TNS3: variants seen among roughly 807,000 people sequenced by gnomAD.
TNS3 encodes the protein tensin 3.
In TNS3, 45 loss-of-function variants were observed where a neutral mutation model predicts 140.9. The observed-to-expected ratio is 0.32, with a 90% CI of 0.25 to 0.41. The LOEUF is 0.41. Ranked by LOEUF, TNS3 falls within the 10% of genes least tolerant of loss-of-function variation. TNS3 has a pLI of 1.00. For missense variants in TNS3, 1,716 were observed against 1,906.7 expected, an observed-to-expected ratio of 0.90 and a Z score of 1.86; for synonymous variants, 815 against 788.4, an observed-to-expected ratio of 1.03 and a Z score of -0.56.
chr7:47,403,036 T>C (rs7776701), intron 13 of TNS3, among the ~76,000 whole-genome samples: 61,074 of 152,012 alleles, frequency 0.4, 14,602 homozygotes, highest in Admixed American at 0.53. Context: ...GAGGGAGCTG[T>C]GGGCTCCAGT....
chr7:47,328,995 C>T (rs1435831161), intron 20 of TNS3, among the ~76,000 whole-genome samples: 1 of 152,214 alleles, frequency 6.6e-6, no homozygotes, highest in Non-Finnish European at 1.5e-5. Context: ...AAGCCAACTG[C>T]TGAAAAACTC....
chr7:47,428,338 G>A lies in TNS3; in HGVS notation c.363C>T (p.Tyr121=), dbSNP rs1169232718. The change falls in exon 9 of 31, where the codon TAC becomes TAT. Residue 121 remains tyrosine (Y), a synonymous_variant. Transcript: ENST00000311160. ...KGRIGVVISS[Y]MHFTNVSASA... ...TGGCTGAGACGTTGGTGAAATGCAT[G>A]TAGGATGATATGACCACTCCTATGC... is the stretch of plus-strand genomic sequence containing the variant. 6.9e-7 allele frequency: 1 copy of A among 1,453,650 alleles called. No individual in the cohort carries two copies. The highest frequency in any genetic ancestry group is 9.1e-7 in the Non-Finnish European group (1 of 1,098,368). The allele number at this position is 1,453,650 out of a possible 1,614,324, so 90.0% of individuals were successfully genotyped here. A position where few individuals can be genotyped will look rare whatever the true frequency, so the allele number is the denominator to read the frequency against.
rs1785262687 is a variant in TNS3, at chr7:47,283,677, G to A, written c.4097+20C>T. The A allele has an allele frequency of 6.6e-7, 1 of 1,525,230 alleles. No homozygotes were observed. The highest frequency in any genetic ancestry group is 1.3e-5 in the South Asian group (1 of 76,582). The allele number at this position is 1,525,230 out of a possible 1,614,324, so 94.5% of individuals were successfully genotyped here. A position where few individuals can be genotyped will look rare whatever the true frequency, so the allele number is the denominator to read the frequency against. ...GCCCCGCCCCTGCTGGACGGCTCCT[G>A]CCTCCCTCTAGGCACTCACTTCCTC... On this transcript the variant is annotated intron_variant, in intron 28 of 30. Coordinates refer to ENST00000311160, the MANE Select transcript of TNS3 (RefSeq NM_022748.12).
chr7:47,354,034 A>C (rs995509956), intron 17 of TNS3, among the ~76,000 whole-genome samples: 64 of 126,728 alleles, frequency 5.1e-4, no homozygotes, highest in African/African-American at 1.6e-3. Flanking sequence ...CACACACACA[A>C]ATTCCAAGGT....
At chr7:47,293,698 T>A in intron 25 of TNS3, 35 bp downstream of exon 25, 1 of 1,596,012 alleles carries the variant, frequency 6.3e-7, no homozygotes, top group Non-Finnish European at 8.6e-7. Context: ...CCTCATGAGT[T>A]CAGAACATTG....
In TNS3 at chr7:47,369,522, G is replaced by A. The variant is rs200723518; in HGVS notation, c.1124C>T (p.Pro375Leu). The A allele has an allele frequency of 2.8e-5, 45 of 1,613,818 alleles. No individual in the cohort carries two copies. Among genetic ancestry groups the A allele is most frequent in the African/African-American group, 2.5e-4 (19 of 74,922 alleles). The change falls in exon 17 of 31, where the codon CCG becomes CTG. Residue 375 changes from proline to leucine, a missense_variant. By Grantham distance (98) the Pro-to-Leu change is moderately conservative (BLOSUM62 -3). Transcript: ENST00000311160. ...PGIPGGPQAI[P>L]ATNSPDHSDH... ...ACTGTGGTCTGGGCTGTTGGTGGCC[G>A]GGATTGCCTGGGGGCCACCTGGGAT...
intron 17 of TNS3, among the ~76,000 whole-genome samples, chr7:47,348,248 G>A (rs1789463291): frequency 6.6e-6 from 1 of 152,248 alleles, no homozygotes; most frequent in African/African-American, 2.4e-5. Flanking sequence ...GTTAGTGACG[G>A]AAAGGAAGTG....
At chr7:47,329,773 G>A (rs1459822887) in intron 20 of TNS3, among the ~76,000 whole-genome samples, 1 of 152,146 alleles carries the variant, frequency 6.6e-6, no homozygotes, top group Non-Finnish European at 1.5e-5. Context: ...GGGGCAGCCA[G>A]GCCCAGGAAG....
intron 23 of TNS3, among the ~76,000 whole-genome samples, chr7:47,297,672 G>C (rs545671704): frequency 6.6e-6 from 1 of 152,158 alleles, no homozygotes; most frequent in Non-Finnish European, 1.5e-5. Flanking sequence ...CAGTGGGAGG[G>C]AGGCTGTCGC....
At position 47,396,903 on chromosome 7, in the gene TNS3, C is replaced by A. The variant is rs372376756; in HGVS notation, c.921G>T (p.Gly307=). The A allele has an allele frequency of 6.2e-7, 1 of 1,612,352 alleles. No individual in the cohort carries two copies. ...CGTGGTCGTTGTACAAGTGTTCGGA[C>A]CCTGCACAGAGCACAGGCAGCAACA... ...VFSATPEKIQ[G]SEHLYNDHGV... is the part of the protein sequence containing the mutation. Residue 307 remains glycine, a splice_region_variant and synonymous_variant, in exon 16 of 31, where the codon GGG becomes GGT. Coordinates refer to ENST00000311160, the MANE Select transcript of TNS3 (RefSeq NM_022748.12).
intron 20 of TNS3, among the ~76,000 whole-genome samples, chr7:47,340,498 A>G (rs558043723): frequency 6.6e-6 from 1 of 152,138 alleles, no homozygotes; most frequent in African/African-American, 2.4e-5. Context: ...TGTGTGTCGA[A>G]CTAGAATCCT....
intron 17 of TNS3, among the ~76,000 whole-genome samples, chr7:47,351,745 C>G (rs990427941): frequency 6.6e-6 from 1 of 152,054 alleles, no homozygotes; most frequent in African/African-American, 2.4e-5. Context: ...CAAGGAAGGC[C>G]CTAGGGCACG....
intron 20 of TNS3, among the ~76,000 whole-genome samples, chr7:47,334,153 A>T (rs911525728): frequency 6.6e-6 from 1 of 152,112 alleles, no homozygotes; most frequent in African/African-American, 2.4e-5. Flanking sequence ...ACCACTTCAC[A>T]TGCTACCACT....
intron 16 of TNS3, among the ~76,000 whole-genome samples, chr7:47,386,977 T>C (rs1792112540): frequency 6.6e-6 from 1 of 152,228 alleles, no homozygotes; most frequent in Non-Finnish European, 1.5e-5. Context: ...CTGCCCTCCA[T>C]GGCATCTTAG....
intron 24 of TNS3, among the ~76,000 whole-genome samples, chr7:47,295,146 G>A (rs941057452): frequency 1.3e-5 from 2 of 152,128 alleles, no homozygotes; most frequent in Non-Finnish European, 2.9e-5. Context: ...AACAACACTC[G>A]GTTTCCTCAA....
In TNS3 at chr7:47,413,906, C is replaced by T. The variant is rs1460146812; in HGVS notation, c.647+31G>A. The T allele has an allele frequency of 2.5e-6, 4 of 1,612,126 alleles. No homozygotes were observed. The African/African-American group carries it at 4.0e-5, about 16-fold the overall frequency. On this transcript the variant is annotated intron_variant, in intron 12 of 30. Coordinates refer to ENST00000311160, the MANE Select transcript of TNS3 (RefSeq NM_022748.12). ...AGTTCCCTGAGCCGTCCAGGTCCCA[C>T]AACAGCAGCAGCAGCAGCAGCAGCA...
rs1014281010 is a variant in TNS3 at position 47,437,777 on chromosome 7, C to A, written c.151-464G>T. Among the ~76,000 whole-genome samples the A allele has an allele frequency of 1.0e-4, 12 of 119,052 alleles. No homozygotes were observed. In the East Asian group the frequency reaches 2.4e-3, roughly 24 times the overall value. 78.1% of individuals were successfully genotyped at this position (119,052 alleles called of 152,430 possible). On this transcript the variant is annotated intron_variant, in intron 6 of 30. Coordinates refer to ENST00000311160, the MANE Select transcript of TNS3 (RefSeq NM_022748.12). ...ACACACACACACACACACACACACA[C>A]ACACACACGTATAAAATATATAATA...
chr7:47,476,026 G>GC (rs2151763740), intron 4 of TNS3, among the ~76,000 whole-genome samples: 2 of 152,292 alleles, frequency 1.3e-5, no homozygotes, highest in East Asian at 3.9e-4. Flanking sequence ...CACAGCAAAG[G>GC]CTGTGGGCAC....
chr7:47,306,798 C>T (rs766076229), intron 20 of TNS3, among the ~76,000 whole-genome samples: 4 of 152,152 alleles, frequency 2.6e-5, no homozygotes, highest in African/African-American at 7.2e-5. Flanking sequence ...AGCATGGCTA[C>T]GATCTCCTGA....
Sources: allele counts gnomAD v4.1 joint callset (sites outside exome capture counted in the v4.1 genomes callset), GRCh38; gene constraint gnomAD v4.1.1; transcripts MANE v1.5; gene names NCBI Gene and HGNC (gene_info 2026-07-23, HGNC 2026-07-21).